AFF3: variants seen among roughly 807,000 people sequenced by gnomAD.
AFF3 encodes the protein AF4/FMR2 family member 3.
Under a neutral mutation model 129.7 loss-of-function variants are expected in AFF3, and 32 were observed. That is an observed-to-expected ratio of 0.25 (90% confidence interval 0.19 to 0.33). The LOEUF (loss-of-function observed/expected upper bound fraction) is 0.33. Among genes scored for constraint, AFF3 ranks in the 10% least tolerant of loss-of-function variants. The pLI, the probability that AFF3 is intolerant of heterozygous loss-of-function variation, is 1.00. For synonymous variants in AFF3, 644 were observed against 635.4 expected (o/e 1.01, Z -0.20); for missense variants, 1,373 against 1,592.0 (o/e 0.86, Z 2.34).
chr2:99,911,036 A>AT, intron 7 of AFF3, among the ~76,000 whole-genome samples: 1 of 152,376 alleles, frequency 6.6e-6, no homozygotes, highest in East Asian at 1.9e-4. Context: ...TAAGGAAGGC[A>AT]TAAAAAATGC....
intron 18 of AFF3, among the ~76,000 whole-genome samples, chr2:99,573,371 G>T (rs1359259197): frequency 6.6e-6 from 1 of 152,128 alleles, no homozygotes; most frequent in Non-Finnish European, 1.5e-5. Flanking sequence ...TCCATATGAA[G>T]ACCAATAAAG....
chr2:99,736,431 T>C (rs1680264870), intron 10 of AFF3, among the ~76,000 whole-genome samples: 1 of 152,198 alleles, frequency 6.6e-6, no homozygotes, highest in Non-Finnish European at 1.5e-5. Flanking sequence ...TGCTTTTTTA[T>C]CACCAGTATT....
chr2:99,547,839 C>T lies in AFF3; in HGVS notation c.*3635G>A. 4.7e-6 allele frequency: 1 copy of T among 211,772 alleles called. No individual in the cohort carries two copies. The highest frequency in any genetic ancestry group is 7.1e-5 in the East Asian group (1 of 14,026). The allele number at this position is 211,772 out of a possible 1,614,324, so 13.1% of individuals were successfully genotyped here. ...ATGTACACATCACTGTTATATAATA[C>T]ACACATCATTGTTGTACATATGAGG... is the stretch of plus-strand genomic sequence containing the variant. On this transcript the variant is annotated 3_prime_UTR_variant, in exon 25 of 25. Coordinates refer to ENST00000672756, the MANE Select transcript of AFF3 (RefSeq NM_001386135.1).
chr2:100,006,809 G>T lies in AFF3; in HGVS notation c.696C>A (p.Thr232=). Residue 232 remains threonine (T), a synonymous_variant, in exon 7 of 25, where the codon ACC becomes ACA. Transcript: ENST00000672756. ...SKPSLVQQKP[T]AYVRPMDGQD... is the part of the protein sequence containing the mutation. ...GGCCGTCCATTGGCCTCACATACGC[G>T]GTCGGTTTCTGCTGGACCAGGCTGG... 6.2e-7 allele frequency: 1 copy of T among 1,614,184 alleles called. No homozygotes were observed. Among genetic ancestry groups the T allele is most frequent in the Non-Finnish European group, 8.5e-7 (1 of 1,180,034 alleles).
At chr2:99,623,544 G>A (rs1026060117) in intron 13 of AFF3, among the ~76,000 whole-genome samples, 1 of 152,222 alleles carries the variant, frequency 6.6e-6, no homozygotes, top group Non-Finnish European at 1.5e-5. Context: ...GGGTGAGTGA[G>A]GTTGAGCCAG....
At chr2:99,709,511 A>G (rs1362355291) in intron 11 of AFF3, among the ~76,000 whole-genome samples, 1 of 152,208 alleles carries the variant, frequency 6.6e-6, no homozygotes, top group East Asian at 1.9e-4. Context: ...CCACTTTGAT[A>G]ACTGGGTCAT....
intron 4 of AFF3, among the ~76,000 whole-genome samples, chr2:100,094,510 G>A (rs929375801): frequency 6.6e-6 from 1 of 151,964 alleles, no homozygotes; most frequent in Admixed American, 6.6e-5. Context: ...TTAGCAATGG[G>A]GAGCAGCTGT....
At position 99,655,550 on chromosome 2, in the gene AFF3, G is replaced by A. The variant is rs562081579; in HGVS notation, c.1144-5884C>T. On this transcript the variant is annotated intron_variant, in intron 12 of 24. Transcript: ENST00000672756. ...ACAAGATGTCACTGTGCTGCGGTTC[G>A]GCAAGTGGTAGGGACAGCAGCAGAG... Among the ~76,000 whole-genome samples, 9 of 152,246 alleles carry A rather than the reference G, an allele frequency of 5.9e-5. No individual in the cohort carries two copies. The East Asian group carries it at 1.5e-3, about 26-fold the overall frequency.
chr2:99,787,734 C>CG (rs1684908815), intron 8 of AFF3, among the ~76,000 whole-genome samples: 1 of 150,450 alleles, frequency 6.6e-6, no homozygotes, highest in African/African-American at 2.4e-5. Flanking sequence ...AGAAAACAAA[C>CG]AAACGAACAA....
rs539286132 is a variant in AFF3, at chr2:99,835,577, C to T, written c.921+1900G>A. ...CCCAAATACCAACTACTACTACTAA[C>T]GCCTTAGGCTGACAAGTAGGGAGAG... On this transcript the variant is annotated intron_variant, in intron 8 of 24. Transcript: ENST00000672756. Among the ~76,000 whole-genome samples the T allele has an allele frequency of 9.0e-4, 136 of 151,588 alleles. 2 individuals are homozygous for T. The highest frequency in any genetic ancestry group is 3.1e-3 in the African/African-American group (128 of 41,372).
intron 8 of AFF3, among the ~76,000 whole-genome samples, chr2:99,815,551 A>C (rs1234048122): frequency 8.4e-6 from 1 of 118,680 alleles, no homozygotes; most frequent in Non-Finnish European, 1.9e-5. Flanking sequence ...TGACTTTCTG[A>C]CTATATCATA....
intron 12 of AFF3, among the ~76,000 whole-genome samples, chr2:99,668,247 C>A (rs188638659): frequency 6.6e-6 from 1 of 152,104 alleles, no homozygotes; most frequent in African/African-American, 2.4e-5. Flanking sequence ...TCATAGCTCA[C>A]GGCAATCTCA....
intron 13 of AFF3, among the ~76,000 whole-genome samples, chr2:99,618,410 A>AT (rs1177531750): frequency 6.6e-6 from 1 of 151,150 alleles, no homozygotes; most frequent in Non-Finnish European, 1.5e-5. Context: ...TAATTTTTGT[A>AT]TTTTTAGTAA....
At chr2:100,067,050 C>T (rs1487812772) in intron 4 of AFF3, among the ~76,000 whole-genome samples, 1 of 152,142 alleles carries the variant, frequency 6.6e-6, no homozygotes, top group African/African-American at 2.4e-5. Context: ...GGGTTATGCC[C>T]TGAAGGAAAT....
At chr2:99,569,533 G>A (rs1167363297) in intron 18 of AFF3, among the ~76,000 whole-genome samples, 1 of 152,148 alleles carries the variant, frequency 6.6e-6, no homozygotes, top group Non-Finnish European at 1.5e-5. Flanking sequence ...CTAGAGTTCT[G>A]ATTAGCTAGC....
In AFF3 at chr2:99,974,648, T is replaced by C. The variant is rs375753223; in HGVS notation, c.873+31984A>G. Among the ~76,000 whole-genome samples the C allele has an allele frequency of 1.3e-4, 20 of 152,338 alleles. 1 individual carries two copies. The highest frequency in any genetic ancestry group is 4.3e-4 in the African/African-American group (18 of 41,582). On this transcript the variant is annotated intron_variant, in intron 7 of 24. Coordinates refer to ENST00000672756, the MANE Select transcript of AFF3 (RefSeq NM_001386135.1). ...CTCTCTGACCAATGGAAAATGGAAA[T>C]GATTTTTCACTACTGTTCCCGCAGC...
chr2:99,550,139 A>C lies in AFF3; in HGVS notation c.*1335T>G, dbSNP rs760576590. 1.3e-5 allele frequency: 3 copies of C among 228,578 alleles called. No homozygotes were observed. The highest frequency in any genetic ancestry group is 1.7e-5 in the Non-Finnish European group (2 of 115,194). The allele number at this position is 228,578 out of a possible 1,614,324, so 14.2% of individuals were successfully genotyped here. A position where few individuals can be genotyped will look rare whatever the true frequency, so the allele number is the denominator to read the frequency against. On this transcript the variant is annotated 3_prime_UTR_variant, in exon 25 of 25. Transcript: ENST00000672756. ...AAGACACTACAAAAGAAAAAACATC[A>C]GACAAAAACTGTAAACAAGATGTCA...
intron 7 of AFF3, among the ~76,000 whole-genome samples, chr2:99,976,496 A>G (rs954198006): frequency 7.9e-5 from 12 of 152,234 alleles, no homozygotes; most frequent in African/African-American, 2.4e-4. Context: ...CAAAAGATTA[A>G]TAAGTTCTGT....
rs1685025000 is a variant in AFF3 at position 99,789,262 on chromosome 2, T to C, written c.922-36961A>G. On this transcript the variant is annotated intron_variant, in intron 8 of 24. Coordinates refer to ENST00000672756, the MANE Select transcript of AFF3 (RefSeq NM_001386135.1). ...CCATCCTGGGCAACACAGTGAGACC[T>C]GTCTCTACAAAAAATTATCTGGGCA... Among the ~76,000 whole-genome samples the C allele has an allele frequency of 2.0e-5, 3 of 151,844 alleles. No homozygotes were observed. The South Asian group carries it at 6.2e-4, about 32-fold the overall frequency.
Sources: allele counts gnomAD v4.1 joint callset (sites outside exome capture counted in the v4.1 genomes callset), GRCh38; gene constraint gnomAD v4.1.1; transcripts MANE v1.5; gene names NCBI Gene and HGNC (gene_info 2026-07-23, HGNC 2026-07-21).